The following KCNH1 variants were observed in gnomAD, a reference collection of about 807,000 sequenced individuals.
KCNH1 encodes the protein potassium voltage-gated channel subfamily H member 1, also known as voltage-gated delayed rectifier potassium channel KCNH1.
Under a neutral mutation model 69.2 loss-of-function variants are expected in KCNH1, and 27 were observed. The observed-to-expected ratio is 0.39, with a 90% confidence interval of 0.29 to 0.54. The LOEUF (loss-of-function observed/expected upper bound fraction) is 0.54. Among genes scored for constraint, KCNH1 ranks in the 20% least tolerant of loss-of-function variants. The pLI, the probability that KCNH1 is intolerant of heterozygous loss-of-function variation, is 0.68. For missense variants in KCNH1, 798 were observed against 1,261.6 expected (o/e 0.63, Z 5.57); for synonymous variants, 456 against 487.7 (o/e 0.93, Z 0.86).
chr1:210,829,572 A>G (rs1010024257), intron 7 of KCNH1, among the ~76,000 whole-genome samples: 5 of 152,060 alleles, frequency 3.3e-5, no homozygotes, highest in African/African-American at 4.8e-5. Flanking sequence ...TCTCTCTAAG[A>G]CCATCCTTCC....
chr1:211,092,834 T>TC (rs1691076340), intron 3 of KCNH1, among the ~76,000 whole-genome samples: 1 of 151,882 alleles, frequency 6.6e-6, no homozygotes, highest in South Asian at 2.1e-4. Flanking sequence ...AACCTTTTTT[T>TC]TTTTGCTCTA....
chr1:211,103,107 T>C (rs2102483055), intron 3 of KCNH1, among the ~76,000 whole-genome samples: 1 of 152,360 alleles, frequency 6.6e-6, no homozygotes, highest in East Asian at 1.9e-4. Context: ...ACTGTGTTAC[T>C]TGTGCTAAGT....
intron 7 of KCNH1, among the ~76,000 whole-genome samples, chr1:210,810,805 C>T (rs11119607): frequency 6.6e-6 from 1 of 151,992 alleles, no homozygotes; most frequent in East Asian, 1.9e-4. Flanking sequence ...TACTTATGTG[C>T]ATGTTTGTCT....
At position 210,942,640 on chromosome 1, in the gene KCNH1, A is replaced by G. The variant is rs183486675; in HGVS notation, c.1033-22571T>C. On this transcript the variant is annotated intron_variant, in intron 6 of 10. Coordinates refer to ENST00000271751, the MANE Select transcript of KCNH1 (RefSeq NM_172362.3). ...GCCCCTTCTCTGAAAATTTGCAAAC[A>G]AGCAGTCATATATACTGGACCTAAA... Among the ~76,000 whole-genome samples, 455 of 152,304 alleles carry G rather than the reference A, an allele frequency of 3.0e-3. 4 individuals are homozygous for G. Among genetic ancestry groups the G allele is most frequent in the African/African-American group, 0.01 (418 of 41,574 alleles).
intron 1 of KCNH1, among the ~76,000 whole-genome samples, chr1:211,120,638 C>A (rs1691668795): frequency 6.6e-6 from 1 of 151,938 alleles, no homozygotes; most frequent in Non-Finnish European, 1.5e-5. Flanking sequence ...AAAAGTGACT[C>A]AAAATAAGCA....
chr1:211,005,706 C>T (rs771348864), intron 6 of KCNH1, among the ~76,000 whole-genome samples: 2 of 151,944 alleles, frequency 1.3e-5, no homozygotes, highest in Admixed American at 6.6e-5. Flanking sequence ...AAAATTTAAA[C>T]AAGACACAAA....
intron 7 of KCNH1, among the ~76,000 whole-genome samples, chr1:210,875,765 T>C (rs1013380518): frequency 1.3e-5 from 2 of 150,258 alleles, no homozygotes; most frequent in African/African-American, 4.9e-5. Context: ...ATCACACTAC[T>C]GCACTCCAGC....
intron 7 of KCNH1, among the ~76,000 whole-genome samples, chr1:210,814,300 T>C (rs1684770238): frequency 1.3e-5 from 2 of 152,190 alleles, no homozygotes; most frequent in African/African-American, 4.8e-5. Flanking sequence ...AATTACCTTA[T>C]ATTTTTTAAT....
chr1:210,753,811 CA>C (rs1371757304), intron 10 of KCNH1, among the ~76,000 whole-genome samples: 2 of 152,102 alleles, frequency 1.3e-5, no homozygotes, highest in Non-Finnish European at 2.9e-5. Context: ...CGAGTGGGGG[CA>C]TTTACCCTCC....
intron 6 of KCNH1, among the ~76,000 whole-genome samples, chr1:210,966,390 T>C (rs916939102): frequency 2.0e-5 from 3 of 152,198 alleles, no homozygotes; most frequent in Admixed American, 6.5e-5. Flanking sequence ...AAATGGGATT[T>C]AATTAGACTA....
chr1:210,897,623 T>C lies in KCNH1; in HGVS notation c.1462+22017A>G, dbSNP rs75023092. 3.1e-3 allele frequency among the ~76,000 whole-genome samples: 478 copies of C among 152,260 alleles called. 7 individuals carry two copies. Among genetic ancestry groups the C allele is most frequent in the African/African-American group, 0.011 (458 of 41,552 alleles). On this transcript the variant is annotated intron_variant, in intron 7 of 10. Coordinates refer to ENST00000271751, the MANE Select transcript of KCNH1 (RefSeq NM_172362.3). Reference sequence around the variant, plus strand: ...AATAAGACAGGATAATTTACTGAGATCTTAATTTGGATTTGTATTGCTCTT... The same window carrying C: ...AATAAGACAGGATAATTTACTGAGACCTTAATTTGGATTTGTATTGCTCTT...
chr1:210,930,367 C>T (rs1234202499), intron 6 of KCNH1, among the ~76,000 whole-genome samples: 1 of 151,994 alleles, frequency 6.6e-6, no homozygotes. Flanking sequence ...AATAAGGAAC[C>T]CAGAAATAAA....
At chr1:211,130,329 A>G (rs1691854198) in intron 1 of KCNH1, among the ~76,000 whole-genome samples, 1 of 152,214 alleles carries the variant, frequency 6.6e-6, no homozygotes, top group Admixed American at 6.5e-5. Flanking sequence ...AAATGTACCA[A>G]AGAAAGTTAA....
chr1:211,126,687 C>CA (rs71571980), intron 1 of KCNH1, among the ~76,000 whole-genome samples: 15,271 of 64,562 alleles, frequency 0.24, 1,364 homozygotes, highest in South Asian at 0.3. Context: ...TATAATATCT[C>CA]AAAAAAAAAA....
At chr1:210,796,566 C>A (rs1374427638) in intron 9 of KCNH1, among the ~76,000 whole-genome samples, 2 of 152,288 alleles carry the variant, frequency 1.3e-5, no homozygotes, top group East Asian at 3.9e-4. Context: ...CGCATCCCTG[C>A]TCCTCCTCCC....
At chr1:210,728,658 G>T (rs79330673) in intron 10 of KCNH1, among the ~76,000 whole-genome samples, 3 of 152,348 alleles carry the variant, frequency 2.0e-5, no homozygotes, top group Non-Finnish European at 4.4e-5. Context: ...TACACACACA[G>T]CCATCCAGGG....
intron 5 of KCNH1, among the ~76,000 whole-genome samples, chr1:211,052,762 C>T (rs1476368089): frequency 6.6e-6 from 1 of 152,228 alleles, no homozygotes; most frequent in Non-Finnish European, 1.5e-5. Context: ...AGCTCTACTA[C>T]AGCAGCACGC....
At chr1:210,745,202 T>TCAA (rs914546360) in intron 10 of KCNH1, among the ~76,000 whole-genome samples, 26 of 72,986 alleles carry the variant, frequency 3.6e-4, no homozygotes, top group African/African-American at 1.1e-3. Flanking sequence ...AGACTCTGTC[T>TCAA]CAATAATAAT....
At chr1:210,991,603 CCACACACA>C (rs67518284) in intron 6 of KCNH1, among the ~76,000 whole-genome samples, 28 of 148,260 alleles carry the variant, frequency 1.9e-4, no homozygotes, top group Admixed American at 2.7e-4. Context: ...TCTGTTCTTG[CCACACACA>C]CACACACACA....
Sources: gnomAD v4.1 joint callset for allele counts (sites outside exome capture counted in the v4.1 genomes callset) on GRCh38, gnomAD v4.1.1 for gene constraint, MANE v1.5 for transcripts, NCBI Gene and HGNC (gene_info 2026-07-23, HGNC 2026-07-21) for gene names.